COL28A1: variants seen among roughly 807,000 people sequenced by gnomAD.
COL28A1 encodes collagen alpha-1(XXVIII) chain.
In COL28A1, 161 loss-of-function variants were observed where a neutral mutation model predicts 150.2. That is an observed-to-expected ratio of 1.07 (90% CI 0.94 to 1.22). The LOEUF is 1.22. COL28A1 is among the 50% of genes most tolerant of loss of function. The pLI is 0.00. For missense variants in COL28A1, 1,617 were observed against 1,388.3 expected (o/e 1.16, Z -2.62); for synonymous variants, 552 against 469.7 (o/e 1.18, Z -2.26).
chr7:7,509,642 TTTG>T (rs1554289631), intron 9 of COL28A1, among the ~76,000 whole-genome samples: 1 of 151,770 alleles, frequency 6.6e-6, no homozygotes, highest in Non-Finnish European at 1.5e-5. Flanking sequence ...GTGGGTTTTT[TTTG>T]TTGTTGTTAT....
intron 8 of COL28A1, chr7:7,511,782 C>T (rs1430300840): frequency 4.2e-6 from 2 of 471,106 alleles, no homozygotes; most frequent in Admixed American, 2.3e-5. Context: ...CCGGGCTTGG[C>T]AGCAAGCATG....
At chr7:7,383,325 T>C (rs1294629) in intron 27 of COL28A1, among the ~76,000 whole-genome samples, 149,596 of 150,430 alleles carry the variant, frequency 0.99, 74,383 homozygotes, top group East Asian at 1. Flanking sequence ...GTCAACCAGG[T>C]TGGAGTGCAG....
At chr7:7,444,587 C>T (rs1399854058) in intron 18 of COL28A1, 98 bp from the exon 19 acceptor site, 27 of 1,166,554 alleles carry the variant, frequency 2.3e-5, no homozygotes, top group South Asian at 2.3e-4. Flanking sequence ...GAAAAGCCTC[C>T]GAGAAATCTC....
intron 4 of COL28A1, among the ~76,000 whole-genome samples, chr7:7,523,516 T>C (rs1781856974): frequency 6.7e-6 from 1 of 150,016 alleles, no homozygotes; most frequent in Non-Finnish European, 1.5e-5. Context: ...ACATGTACAA[T>C]TCAATAAAAC....
the COL28A1 span, among the ~76,000 whole-genome samples, chr7:7,341,067 G>A: frequency 6.6e-6 from 1 of 152,266 alleles, no homozygotes. Flanking sequence ...TCTGTGTGCT[G>A]TCCACAATCC....
intron 27 of COL28A1, among the ~76,000 whole-genome samples, chr7:7,406,511 A>T (rs1014791826): frequency 2.8e-4 from 43 of 152,206 alleles, no homozygotes. Flanking sequence ...GATAATCAAC[A>T]AAGAAAGAAA....
intron 21 of COL28A1, among the ~76,000 whole-genome samples, chr7:7,437,981 T>A (rs911643407): frequency 2.1e-5 from 3 of 144,442 alleles, no homozygotes; most frequent in African/African-American, 8.3e-5. Context: ...ACACCTGTAA[T>A]CCCAGCCTTT....
chr7:7,487,534 T>C (rs75765613), intron 13 of COL28A1, among the ~76,000 whole-genome samples: 1 of 152,248 alleles, frequency 6.6e-6, no homozygotes, highest in East Asian at 1.9e-4. Flanking sequence ...GCCGAGATCA[T>C]GCCTCTGCCC....
chr7:7,387,486 TAA>T (rs1288694026), intron 27 of COL28A1, among the ~76,000 whole-genome samples: 2 of 152,124 alleles, frequency 1.3e-5, no homozygotes, highest in Admixed American at 6.6e-5. Context: ...CTGTGTTATA[TAA>T]GAGAATGTGC....
chr7:7,406,226 A>G (rs1482917192), intron 27 of COL28A1, among the ~76,000 whole-genome samples: 2 of 152,230 alleles, frequency 1.3e-5, no homozygotes, highest in Non-Finnish European at 2.9e-5. Flanking sequence ...GTTCTCTTTA[A>G]TAATGGAATC....
At chr7:7,533,016 AG>A in intron 1 of COL28A1, 104 bp from the exon 2 acceptor site, 1 of 1,212,368 alleles carries the variant, frequency 8.2e-7, no homozygotes, top group East Asian at 2.8e-5. Flanking sequence ...ACTGGAAAAA[AG>A]AGGTTTTCAT....
intron 33 of COL28A1, among the ~76,000 whole-genome samples, 192 bp from the exon 34 acceptor site, chr7:7,360,720 G>A (rs1183585420): frequency 6.6e-6 from 1 of 152,150 alleles, no homozygotes; most frequent in Non-Finnish European, 1.5e-5. Context: ...TACCCAAGTT[G>A]TGGATTTTCC....
rs367640726 is a variant in COL28A1 at position 7,370,827 on chromosome 7, G to A, written c.2964C>T (p.Leu988=). 20 of 1,613,078 alleles carry A rather than the reference G, an allele frequency of 1.2e-5. No homozygotes were observed. The East Asian group carries it at 2.0e-4, about 16-fold the overall frequency. The change falls in exon 33 of 35, where the codon CTC becomes CTT. Residue 988 remains leucine, a synonymous_variant. Transcript: ENST00000399429. ...QKICEDFDSY[L]VQIFGSSSPQ... ...GTGACGATGAACCAAAAATTTGAACGAGATAGGAATCAAAATCCTCACAAA... is the reference window on the plus strand; with the variant it reads ...GTGACGATGAACCAAAAATTTGAACAAGATAGGAATCAAAATCCTCACAAA...
intron 11 of COL28A1, among the ~76,000 whole-genome samples, chr7:7,501,729 C>A (rs989712670): frequency 6.6e-6 from 1 of 152,126 alleles, no homozygotes; most frequent in Admixed American, 6.5e-5. Flanking sequence ...CCTGAGCCAC[C>A]ATGACAGCCC....
chr7:7,422,749 T>C (rs1433711088), intron 25 of COL28A1, among the ~76,000 whole-genome samples: 1 of 152,084 alleles, frequency 6.6e-6, no homozygotes, highest in Non-Finnish European at 1.5e-5. Context: ...TGAACCTGGA[T>C]GTAAACACGT....
intron 5 of COL28A1, among the ~76,000 whole-genome samples, chr7:7,520,870 G>A (rs189961234): frequency 2.9e-4 from 44 of 152,218 alleles, no homozygotes; most frequent in African/African-American, 1.0e-3. Context: ...TTATAGGAAG[G>A]GATGGCTAAA....
intron 18 of COL28A1, among the ~76,000 whole-genome samples, chr7:7,452,097 G>T (rs1786737982): frequency 6.6e-6 from 1 of 152,192 alleles, no homozygotes; most frequent in Non-Finnish European, 1.5e-5. Context: ...CACCCTAGTG[G>T]AGTATATATT....
rs193278257 is a variant in COL28A1 at position 7,438,388 on chromosome 7, G to A, written c.1723-926C>T. 4.4e-3 allele frequency among the ~76,000 whole-genome samples: 663 copies of A among 151,460 alleles called. 3 individuals carry two copies. Among genetic ancestry groups the A allele is most frequent in the Admixed American group, 8.6e-3 (131 of 15,252 alleles). Reference sequence around the variant, plus strand: ...AACAGGTAATTCTCCTGTTCCATCTGGATCTAGACAAGTGATTCTCAGATT... The same window carrying A: ...AACAGGTAATTCTCCTGTTCCATCTAGATCTAGACAAGTGATTCTCAGATT... On this transcript the variant is annotated intron_variant, in intron 21 of 34. Transcript: ENST00000399429.
At chr7:7,396,648 T>G (rs1430416105) in intron 27 of COL28A1, among the ~76,000 whole-genome samples, 1 of 152,198 alleles carries the variant, frequency 6.6e-6, no homozygotes, top group African/African-American at 2.4e-5. Context: ...AATGAGTAAG[T>G]TACTTGTTAT....
Sources: gnomAD v4.1 joint callset for allele counts (sites outside exome capture counted in the v4.1 genomes callset) on GRCh38, gnomAD v4.1.1 for gene constraint, MANE v1.5 for transcripts, NCBI Gene and HGNC (gene_info 2026-07-23, HGNC 2026-07-21) for gene names.